Variants in PTGES3L observed in about 807,000 individuals in gnomAD.
The protein encoded by PTGES3L is prostaglandin E synthase 3 like, also known as putative protein PTGES3L.
PTGES3L carries 17 observed loss-of-function variants against 25.0 expected under a neutral mutation model. The observed-to-expected ratio is 0.68, with a 90% confidence interval of 0.47 to 1.02. The LOEUF (loss-of-function observed/expected upper bound fraction) is 1.02. Among genes scored for constraint, PTGES3L ranks in the 50% least tolerant of loss-of-function variants. The pLI is 0.00. For missense variants in PTGES3L, 202 were observed against 197.5 expected, an observed-to-expected ratio of 1.02 and a Z score of -0.14; for synonymous variants, 59 against 65.7, an observed-to-expected ratio of 0.90 and a Z score of 0.50.
At chr17:42,971,907 C>T (rs982055480) in intron 4 of PTGES3L, 23 of 522,590 alleles carry the variant, frequency 4.4e-5, no homozygotes, top group Admixed American at 9.9e-5. Flanking sequence ...TCCTACCCTC[C>T]GGCCAGGCGT....
intron 5 of PTGES3L, among the ~76,000 whole-genome samples, chr17:42,970,924 T>C (rs1481083802): frequency 6.6e-6 from 1 of 151,632 alleles, no homozygotes; most frequent in Non-Finnish European, 1.5e-5. Flanking sequence ...CAAGAATCAC[T>C]TGAACCTGGG....
chr17:42,969,580 T>A (rs1003444604), intron 6 of PTGES3L, among the ~76,000 whole-genome samples: 9 of 151,550 alleles, frequency 5.9e-5, no homozygotes, highest in African/African-American at 2.2e-4. Flanking sequence ...TTTTGTACTT[T>A]TGGTAGAGAC....
intron 5 of PTGES3L, among the ~76,000 whole-genome samples, chr17:42,971,284 C>CCACACACACACA (rs56818030): frequency 9.4e-5 from 14 of 149,504 alleles, no homozygotes; most frequent in South Asian, 4.2e-4. Flanking sequence ...CGACAGAAAA[C>CCACACACACACA]CACACACACA....
chr17:42,975,935 A>G (rs1427417856), intron 4 of PTGES3L, among the ~76,000 whole-genome samples: 1 of 151,800 alleles, frequency 6.6e-6, no homozygotes, highest in Non-Finnish European at 1.5e-5. Flanking sequence ...TCGGCCTTCC[A>G]AAGTGCTGGG....
At position 42,970,674 on chromosome 17, in the gene PTGES3L, G is replaced by GCACACACACACACACACACACACA. The variant is rs1482998381; in HGVS notation, c.379-333_379-332insTGTGTGTGTGTGTGTGTGTGTGTG. Among the ~76,000 whole-genome samples the GCACACACACACACACACACACACA allele has an allele frequency of 1.7e-3, 181 of 105,684 alleles. 5 individuals are homozygous for GCACACACACACACACACACACACA. Among genetic ancestry groups the GCACACACACACACACACACACACA allele is most frequent in the African/African-American group, 5.5e-3 (167 of 30,624 alleles). 69.3% of individuals were successfully genotyped at this position (105,684 alleles called of 152,430 possible). On this transcript the variant is annotated intron_variant, in intron 5 of 6. Transcript: ENST00000591916. ...CCCATGAAGTTGTCTGGCTTAACAC[G>GCACACACACACACACACACACACA]CGCACACACACACACACACACACAC...
chr17:42,973,627 CTT>C (rs1230207655), intron 4 of PTGES3L, among the ~76,000 whole-genome samples: 1 of 150,300 alleles, frequency 6.7e-6, no homozygotes, highest in South Asian at 2.1e-4. Context: ...ACATGGGAGA[CTT>C]TTCATTTTGT....
rs368420097 is a variant in PTGES3L, at chr17:42,978,077, CAAAAAAAAAAA to C, written c.288+1082_288+1092del. Among the ~76,000 whole-genome samples, 24 of 47,394 alleles carry C rather than the reference CAAAAAAAAAAA, an allele frequency of 5.1e-4. 1 individual carries two copies. Among genetic ancestry groups the C allele is most frequent in the African/African-American group, 2.4e-3 (23 of 9,732 alleles). The allele number at this position is 47,394 out of a possible 152,430, so 31.1% of individuals were successfully genotyped here. ...GGGCAACAAGAGCGAAACTCCGAAT[CAAAAAAAAAAA>C]AAAAAAAAAAAACAGAAAGAAAAAA... is the stretch of plus-strand genomic sequence containing the variant. On this transcript the variant is annotated intron_variant, in intron 4 of 6. Transcript: ENST00000591916.
At chr17:42,972,313 C>T (rs1264742597) in intron 4 of PTGES3L, among the ~76,000 whole-genome samples, 1 of 147,104 alleles carries the variant, frequency 6.8e-6, no homozygotes, top group African/African-American at 2.5e-5. Flanking sequence ...CTCTCTCCCT[C>T]TCCCTCTCCC....
intron 4 of PTGES3L, among the ~76,000 whole-genome samples, chr17:42,974,007 A>AAAAAAAT (rs1221161122): frequency 5.3e-5 from 8 of 149,802 alleles, no homozygotes; most frequent in Non-Finnish European, 1.2e-4. Flanking sequence ...ATAAATTAAA[A>AAAAAAAT]AAAAATAAAA....
intron 4 of PTGES3L, among the ~76,000 whole-genome samples, chr17:42,973,275 C>G (rs1174957523): frequency 6.9e-6 from 1 of 145,644 alleles, no homozygotes; most frequent in African/African-American, 2.5e-5. Context: ...CCAGCCGCCC[C>G]GTCCGGGAGG....
chr17:42,977,368 G>C (rs1597742946), intron 4 of PTGES3L, among the ~76,000 whole-genome samples: 2 of 151,630 alleles, frequency 1.3e-5, no homozygotes, highest in South Asian at 4.2e-4. Flanking sequence ...AGAGGTTGCA[G>C]TGAGCTGAGA....
chr17:42,972,051 G>A (rs959451221), intron 4 of PTGES3L: 28 of 233,096 alleles, frequency 1.2e-4, no homozygotes, highest in Admixed American at 5.2e-4. Flanking sequence ...ATCCGGGCGT[G>A]GTGACGGGCA....
In PTGES3L at chr17:42,979,639, G is replaced by A. The variant is rs766932462; in HGVS notation, c.33C>T (p.Tyr11=). The A allele has an allele frequency of 9.9e-6, 16 of 1,614,098 alleles. No homozygotes were observed. In the East Asian group the frequency reaches 3.1e-4, roughly 31 times the overall value. The change falls in exon 2 of 7, where the codon TAC becomes TAT. Residue 11 remains tyrosine (Y), a synonymous_variant. Transcript: ENST00000591916. ...CCATGAACACATACCTGGGCCTGTC[G>A]TACCACAAGGTCCGGGCGTGCTGCC... MARQHARTLW[Y]DRPRYVFMEF... is the part of the protein sequence containing the mutation.
intron 5 of PTGES3L, 27 bp downstream of exon 5, chr17:42,971,580 C>A: frequency 6.2e-7 from 1 of 1,611,896 alleles, no homozygotes; most frequent in Non-Finnish European, 8.5e-7. Context: ...ATCAAGTGGG[C>A]AGAACACAGT....
In PTGES3L at chr17:42,979,540, G is replaced by A. The variant is rs750964396; in HGVS notation, c.122+10C>T. The stretch of plus-strand genomic sequence containing the variant: ...TGGGAAGCCAGGCCCTCGGACGGCA[G>A]GGCCACTACCTGAACACAATGCGGT... On this transcript the variant is annotated intron_variant, in intron 2 of 6. Transcript: ENST00000591916. 1 of 1,614,066 alleles carries A rather than the reference G, an allele frequency of 6.2e-7. No homozygotes were observed. The highest frequency in any genetic ancestry group is 1.3e-5 in the African/African-American group (1 of 74,934).
chr17:42,969,189 GGGGGC>G lies in PTGES3L; in HGVS notation c.433-8_433-4del, dbSNP rs755951877. 8.5e-4 allele frequency: 673 copies of G among 788,930 alleles called. 4 individuals are homozygous for G. Among genetic ancestry groups the G allele is most frequent in the African/African-American group, 3.4e-3 (86 of 25,330 alleles). The allele number at this position is 788,930 out of a possible 1,614,324, so 48.9% of individuals were successfully genotyped here. A position where few individuals can be genotyped will look rare whatever the true frequency, so the allele number is the denominator to read the frequency against. ...TCATCAGCACTGTCAGAATCATCCT[GGGGGC>G]GGGGGGGAAAAAAGACAAAGCACCT... On this transcript the variant is annotated splice_polypyrimidine_tract_variant and splice_region_variant and intron_variant, in intron 6 of 6. Coordinates refer to ENST00000591916, the MANE Select transcript of PTGES3L (RefSeq NM_001261430.2).
intron 5 of PTGES3L, 43 bp downstream of exon 5, chr17:42,971,564 A>T: frequency 6.2e-7 from 1 of 1,609,100 alleles, no homozygotes; most frequent in Non-Finnish European, 8.5e-7. Context: ...AGAAACACAA[A>T]GAATGATCAA....
intron 5 of PTGES3L, 70 bp downstream of exon 5, chr17:42,971,537 C>T (rs1456718982): frequency 1.3e-6 from 2 of 1,570,074 alleles, no homozygotes; most frequent in Non-Finnish European, 1.7e-6. Flanking sequence ...GACAATCCTC[C>T]AGAGACATGT....
In PTGES3L at chr17:42,980,059, C is replaced by G; in HGVS notation, c.-6G>C. The G allele has an allele frequency of 1.9e-6, 3 of 1,551,034 alleles. No individual in the cohort carries two copies. Among genetic ancestry groups the G allele is most frequent in the Non-Finnish European group, 2.6e-6 (3 of 1,146,812 alleles). On this transcript the variant is annotated 5_prime_UTR_variant, in exon 1 of 7. Coordinates refer to ENST00000591916, the MANE Select transcript of PTGES3L (RefSeq NM_001261430.2). ...GGAAACACTCACCGTGCCATTGCGG[C>G]TCCCGCTCCAGGGTGGCATTTAGAG...
Sources: allele counts gnomAD v4.1 joint callset (sites outside exome capture counted in the v4.1 genomes callset), GRCh38; gene constraint gnomAD v4.1.1; transcripts MANE v1.5; gene names NCBI Gene and HGNC (gene_info 2026-07-23, HGNC 2026-07-21).